The following RGL1 variants were observed in gnomAD, a reference collection of about 807,000 sequenced individuals.
RGL1 encodes the protein ral guanine nucleotide dissociation stimulator like 1.
Under a neutral mutation model 95.2 loss-of-function variants are expected in RGL1, and 24 were observed. The ratio of observed to expected loss-of-function variants is 0.25; its 90% CI spans 0.18 to 0.35. RGL1 has a LOEUF of 0.35. Among genes scored for constraint, RGL1 ranks in the 10% least tolerant of loss-of-function variants. RGL1 has a pLI of 1.00. For synonymous variants in RGL1, 329 were observed against 344.9 expected (o/e 0.95, Z 0.51); for missense variants, 715 against 936.3 (o/e 0.76, Z 3.08).
chr1:183,678,329 A>G (rs2102069693), intron 1 of RGL1, among the ~76,000 whole-genome samples: 1 of 152,330 alleles, frequency 6.6e-6, no homozygotes, highest in African/African-American at 2.4e-5. Context: ...CCCTATCATG[A>G]TACCATAATC....
At chr1:183,849,848 G>A (rs906797922) in intron 3 of RGL1, among the ~76,000 whole-genome samples, 2 of 151,944 alleles carry the variant, frequency 1.3e-5, no homozygotes, top group African/African-American at 2.4e-5. Flanking sequence ...ATATATCTTC[G>A]GAATAGTTGG....
intron 1 of RGL1, among the ~76,000 whole-genome samples, chr1:183,664,324 C>A (rs1651878322): frequency 1.3e-5 from 2 of 151,906 alleles, no homozygotes. Context: ...ATTTTTGTAT[C>A]CTGCAACTTA....
chr1:183,918,258 A>G (rs1404046165), intron 16 of RGL1, among the ~76,000 whole-genome samples: 2 of 152,162 alleles, frequency 1.3e-5, no homozygotes, highest in Non-Finnish European at 1.5e-5. Context: ...GGAGTTGTCA[A>G]ACCCCACAGG....
intron 2 of RGL1, among the ~76,000 whole-genome samples, chr1:183,809,235 G>A (rs1335627989): frequency 2.6e-5 from 4 of 152,168 alleles, no homozygotes; most frequent in African/African-American, 9.7e-5. Context: ...GTATTTTCTA[G>A]TATTCAGATC....
chr1:183,843,345 G>C (rs945448719), intron 2 of RGL1, among the ~76,000 whole-genome samples: 9 of 152,194 alleles, frequency 5.9e-5, no homozygotes, highest in Admixed American at 2.0e-4. Context: ...AAACCCTGAG[G>C]AACAAATACT....
rs373253969 is a variant in RGL1, at chr1:183,751,411, G to A, written c.132+9122G>A. On this transcript the variant is annotated intron_variant, in intron 2 of 18. Transcript: ENST00000304685. Reference sequence around the variant, plus strand: ...CCTCAGTAATGGTGGATGCAAGCTCGAGGGTCCCAGGTTGACTTCAGACTG... The same window carrying A: ...CCTCAGTAATGGTGGATGCAAGCTCAAGGGTCCCAGGTTGACTTCAGACTG... Among the ~76,000 whole-genome samples the A allele has an allele frequency of 3.9e-5, 6 of 152,124 alleles. No individual in the cohort carries two copies. The East Asian group carries it at 5.8e-4, about 15-fold the overall frequency.
chr1:183,888,425 TA>T (rs1469047673), intron 7 of RGL1, 48 bp from the exon 8 acceptor site: 1 of 1,077,258 alleles, frequency 9.3e-7, no homozygotes, highest in East Asian at 2.4e-5. Flanking sequence ...CAAGTCATTG[TA>T]ATATTGATAG....
intron 2 of RGL1, among the ~76,000 whole-genome samples, chr1:183,759,219 G>A (rs1447234853): frequency 6.6e-6 from 1 of 152,196 alleles, no homozygotes; most frequent in Non-Finnish European, 1.5e-5. Flanking sequence ...TGGTCATGAG[G>A]CAGAAGACAA....
At chr1:183,694,534 A>T (rs1572286162) in intron 1 of RGL1, among the ~76,000 whole-genome samples, 2 of 152,346 alleles carry the variant, frequency 1.3e-5, no homozygotes, top group South Asian at 2.1e-4. Flanking sequence ...CTTGCTATAG[A>T]TCATTTCAAC....
At chr1:183,666,180 T>C (rs778303783) in intron 1 of RGL1, among the ~76,000 whole-genome samples, 2 of 152,006 alleles carry the variant, frequency 1.3e-5, no homozygotes, top group Non-Finnish European at 2.9e-5. Flanking sequence ...TAATTTTGTA[T>C]TTTTAGTAGA....
chr1:183,851,406 C>G (rs959267627), intron 3 of RGL1, among the ~76,000 whole-genome samples: 2 of 152,178 alleles, frequency 1.3e-5, no homozygotes, highest in African/African-American at 4.8e-5. Flanking sequence ...TACTTAACCT[C>G]CAGGGGCGCT....
intron 13 of RGL1, among the ~76,000 whole-genome samples, chr1:183,906,757 A>G (rs970230027): frequency 2.0e-5 from 3 of 150,674 alleles, no homozygotes; most frequent in Admixed American, 1.3e-4. Context: ...ATATCCTTGT[A>G]TTTGAAACAC....
chr1:183,704,904 T>G (rs1039091934), intron 1 of RGL1, among the ~76,000 whole-genome samples: 1 of 152,206 alleles, frequency 6.6e-6, no homozygotes, highest in Non-Finnish European at 1.5e-5. Flanking sequence ...ATCCAAGAAC[T>G]GTGGCTTCAA....
intron 16 of RGL1, among the ~76,000 whole-genome samples, chr1:183,918,662 A>AT (rs1669137327): frequency 6.6e-6 from 1 of 152,102 alleles, no homozygotes; most frequent in South Asian, 2.1e-4. Flanking sequence ...TGAGCAGAAG[A>AT]TCCCCTGCCC....
chr1:183,889,273 C>G (rs972105880), intron 8 of RGL1, among the ~76,000 whole-genome samples: 8 of 152,170 alleles, frequency 5.3e-5, no homozygotes, highest in Non-Finnish European at 1.2e-4. Flanking sequence ...TTCTCTGTCA[C>G]TACAGATTTA....
At chr1:183,781,437 A>C (rs951698300) in intron 2 of RGL1, among the ~76,000 whole-genome samples, 1 of 152,166 alleles carries the variant, frequency 6.6e-6, no homozygotes, top group Non-Finnish European at 1.5e-5. Flanking sequence ...TAGTTATGGA[A>C]TATTTATTAA....
At position 183,884,889 on chromosome 1, in the gene RGL1, A is replaced by G. The variant is rs146024754; in HGVS notation, c.902A>G (p.Lys301Arg). 1.4e-3 allele frequency: 2,296 copies of G among 1,614,140 alleles called. 9 individuals are homozygous for G. Among genetic ancestry groups the G allele is most frequent in the Non-Finnish European group, 9.4e-4 (1,110 of 1,179,982 alleles). ...VSTILGGKEL[K>R]TQQRAKIIEK... ...ACCATCCTGGGGGGCAAAGAACTCA[A>G]AACTCAGCAGAGAGCCAAAATCATT... Residue 301 changes from lysine to arginine, a missense_variant, in exon 7 of 18, where the codon AAA becomes AGA. By Grantham distance (26) the Lys-to-Arg change is conservative. Coordinates refer to ENST00000360851, the MANE Select transcript of RGL1 (RefSeq NM_001297671.3).
At chr1:183,856,488 A>G (rs1307777224) in intron 3 of RGL1, among the ~76,000 whole-genome samples, 1 of 151,936 alleles carries the variant, frequency 6.6e-6, no homozygotes, top group Admixed American at 6.6e-5. Flanking sequence ...CAAAAAGTTT[A>G]GAAAAATGTC....
chr1:183,683,721 G>A lies in RGL1; in HGVS notation c.-33+47220G>A, dbSNP rs544776107. Among the ~76,000 whole-genome samples, 5 of 152,332 alleles carry A rather than the reference G, an allele frequency of 3.3e-5. No homozygotes were observed. In the South Asian group the frequency reaches 1.0e-3, roughly 32 times the overall value. ...GTTTGAATGTTAGCCTGTCTTGCTA[G>A]TTTGGGGAAGTTCTCCTGGCTAATA... is the stretch of plus-strand genomic sequence containing the variant. On this transcript the variant is annotated intron_variant, in intron 1 of 18. Coordinates refer to the RGL1 transcript ENST00000304685.
Sources: allele counts gnomAD v4.1 joint callset (sites outside exome capture counted in the v4.1 genomes callset), GRCh38; gene constraint gnomAD v4.1.1; transcripts MANE v1.5; gene names NCBI Gene and HGNC (gene_info 2026-07-23, HGNC 2026-07-21).